Variants in ATG7 observed in about 807,000 individuals in gnomAD.
The protein encoded by ATG7 is autophagy related 7.
In ATG7, 70 loss-of-function variants were observed where a neutral mutation model predicts 82.4. The ratio of observed to expected loss-of-function variants is 0.85; its 90% CI spans 0.70 to 1.04. The LOEUF (loss-of-function observed/expected upper bound fraction) is 1.04. Among genes scored for constraint, ATG7 ranks in the 50% least tolerant of loss-of-function variants. ATG7 has a pLI of 0.00. For missense variants in ATG7, 792 were observed against 864.3 expected, an observed-to-expected ratio of 0.92 and a Z score of 1.05; for synonymous variants, 287 against 313.0, an observed-to-expected ratio of 0.92 and a Z score of 0.88.
rs190489309 is a variant in ATG7, at chr3:11,473,907, A to G, written c.2079+46981A>G. 1.1e-4 allele frequency among the ~76,000 whole-genome samples: 16 copies of G among 152,336 alleles called. No individual in the cohort carries two copies. In the East Asian group the frequency reaches 3.1e-3, roughly 29 times the overall value. ...CAGCGAGCCCTCAATTTCTGTGCAT[A>G]CGTTCAAACCTCAGGTCCCCTGCTT... On this transcript the variant is annotated intron_variant, in intron 20 of 20. Coordinates refer to ENST00000693202, the MANE Select transcript of ATG7 (RefSeq NM_001349232.2).
rs1001468687 is a variant in ATG7 at position 11,395,739 on chromosome 3, G to T, written c.1956+15687G>T. On this transcript the variant is annotated intron_variant, in intron 19 of 20. Transcript: ENST00000693202. Reference sequence around the variant, plus strand: ...GCAGATCACGAGGTCAGGAGATCGAGACCATCCTGGCTAACACGGTGAAAC... The same window carrying T: ...GCAGATCACGAGGTCAGGAGATCGATACCATCCTGGCTAACACGGTGAAAC... 2.0e-5 allele frequency among the ~76,000 whole-genome samples: 3 copies of T among 152,142 alleles called. No homozygotes were observed. In the East Asian group the frequency reaches 5.8e-4, roughly 30 times the overall value.
intron 20 of ATG7, among the ~76,000 whole-genome samples, chr3:11,431,899 CA>C (rs1237987806): frequency 5.3e-5 from 8 of 152,154 alleles, no homozygotes; most frequent in Non-Finnish European, 1.0e-4. Flanking sequence ...AAGCCATATC[CA>C]AGCTAGAATC....
At chr3:11,321,917 T>A (rs958604002) in intron 9 of ATG7, among the ~76,000 whole-genome samples, 15 of 152,138 alleles carry the variant, frequency 9.9e-5, no homozygotes, top group Non-Finnish European at 1.9e-4. Context: ...AGTTTTAAGG[T>A]CCCGAGTCAC....
chr3:11,331,272 T>C (rs1951602945), intron 9 of ATG7, 68 bp from the exon 10 acceptor site: 1 of 1,242,280 alleles, frequency 8.0e-7, no homozygotes, highest in Non-Finnish European at 1.2e-6. Context: ...AGAGGAAGTA[T>C]GAGCAATGTC....
chr3:11,405,161 G>A (rs1185633100), intron 19 of ATG7, among the ~76,000 whole-genome samples: 4 of 152,128 alleles, frequency 2.6e-5, no homozygotes, highest in Admixed American at 1.3e-4. Flanking sequence ...AAAAGGCTGG[G>A]TGAATTCTGA....
chr3:11,379,905 G>A, intron 18 of ATG7, 67 bp from the exon 19 acceptor site: 1 of 1,476,744 alleles, frequency 6.8e-7, no homozygotes, highest in Non-Finnish European at 9.5e-7. Flanking sequence ...TCAGAAACCA[G>A]ACGTGCATTT....
At chr3:11,488,730 G>C (rs898804666) in intron 20 of ATG7, among the ~76,000 whole-genome samples, 2 of 152,204 alleles carry the variant, frequency 1.3e-5, no homozygotes, top group African/African-American at 4.8e-5. Context: ...TATTGAACCA[G>C]CCTTGCATCC....
intron 20 of ATG7, among the ~76,000 whole-genome samples, chr3:11,502,651 T>C (rs1183586967): frequency 6.6e-6 from 1 of 152,050 alleles, no homozygotes; most frequent in Non-Finnish European, 1.5e-5. Context: ...TGGTTCCAAG[T>C]CTTTGCTATT....
chr3:11,404,205 G>T (rs1268954701), intron 19 of ATG7, among the ~76,000 whole-genome samples: 1 of 136,812 alleles, frequency 7.3e-6, no homozygotes. Context: ...CGATCTTCTC[G>T]GCTCACTGCA....
chr3:11,347,099 G>A (rs1245805385), intron 13 of ATG7, among the ~76,000 whole-genome samples: 1 of 152,164 alleles, frequency 6.6e-6, no homozygotes, highest in African/African-American at 2.4e-5. Context: ...CAAGAAGTAG[G>A]CAACTTCATT....
chr3:11,488,936 T>C (rs2090058681), intron 20 of ATG7, among the ~76,000 whole-genome samples: 1 of 152,132 alleles, frequency 6.6e-6, no homozygotes, highest in African/African-American at 2.4e-5. Context: ...TTAGGGAGGA[T>C]TCCCTCTTTT....
At chr3:11,477,085 G>C in intron 20 of ATG7, 1 of 1,287,536 alleles carries the variant, frequency 7.8e-7, no homozygotes, top group Admixed American at 2.3e-5. Flanking sequence ...ATCAGTTATT[G>C]CAGCAATTTG....
chr3:11,497,851 T>C (rs1285324383), intron 20 of ATG7, among the ~76,000 whole-genome samples: 1 of 152,142 alleles, frequency 6.6e-6, no homozygotes. Flanking sequence ...ATTTTAATAA[T>C]ATAGAGCCCT....
chr3:11,367,283 C>T (rs2076691260), intron 18 of ATG7, among the ~76,000 whole-genome samples: 1 of 152,176 alleles, frequency 6.6e-6, no homozygotes, highest in African/African-American at 2.4e-5. Flanking sequence ...CTCTTCCTGG[C>T]TCCTAGAGAC....
At chr3:11,293,301 G>A (rs1303033361) in intron 3 of ATG7, among the ~76,000 whole-genome samples, 3 of 148,918 alleles carry the variant, frequency 2.0e-5, no homozygotes, top group African/African-American at 4.9e-5. Flanking sequence ...AGGCCAAGGC[G>A]AGCAGATTGC....
intron 13 of ATG7, among the ~76,000 whole-genome samples, chr3:11,345,485 CTG>C (rs1277613109): frequency 6.6e-6 from 1 of 152,178 alleles, no homozygotes; most frequent in African/African-American, 2.4e-5. Context: ...ACAGATGTTT[CTG>C]TGTTGACTCA....
intron 5 of ATG7, among the ~76,000 whole-genome samples, chr3:11,306,220 G>C (rs1437227372): frequency 6.6e-6 from 1 of 152,222 alleles, no homozygotes; most frequent in Non-Finnish European, 1.5e-5. Context: ...ACAACCGTCA[G>C]GGGCTTGCCC....
chr3:11,545,464 GGCT>G (rs2071197701), intron 20 of ATG7, among the ~76,000 whole-genome samples: 1 of 152,198 alleles, frequency 6.6e-6, no homozygotes, highest in African/African-American at 2.4e-5. Flanking sequence ...CTCGGCTCCC[GGCT>G]GGAGAGTCTC....
In ATG7 at chr3:11,417,582, T is replaced by C. The variant is rs568457736; in HGVS notation, c.1957-9222T>C. ...TTATTTAAATTGATTTTCTTTTAGA[T>C]ACCATATAATTGGGTTTTATTTCTT... On this transcript the variant is annotated intron_variant, in intron 19 of 20. Transcript: ENST00000693202. Among the ~76,000 whole-genome samples, 5 of 152,174 alleles carry C rather than the reference T, an allele frequency of 3.3e-5. 1 individual carries two copies. The highest frequency in any genetic ancestry group is 1.2e-4 in the African/African-American group (5 of 41,566).
Sources: allele counts gnomAD v4.1 joint callset (sites outside exome capture counted in the v4.1 genomes callset), GRCh38; gene constraint gnomAD v4.1.1; transcripts MANE v1.5; gene names NCBI Gene and HGNC (gene_info 2026-07-23, HGNC 2026-07-21).